The following FHOD3 variants were observed in gnomAD, a reference collection of about 807,000 sequenced individuals.
FHOD3 encodes FH1/FH2 domain-containing protein 3.
Under a neutral mutation model 173.0 loss-of-function variants are expected in FHOD3, and 90 were observed. The observed-to-expected ratio is 0.52, with a 90% confidence interval of 0.44 to 0.62. FHOD3 has a LOEUF of 0.62. FHOD3 is among the 20% of genes least tolerant of loss of function. FHOD3 has a pLI of 0.00. For missense variants in FHOD3, 1,945 were observed against 2,034.7 expected (o/e 0.96, Z 0.85); for synonymous variants, 828 against 823.0 (o/e 1.01, Z -0.10).
chr18:36,340,766 A>G (rs948969064), intron 1 of FHOD3, among the ~76,000 whole-genome samples: 3 of 151,744 alleles, frequency 2.0e-5, no homozygotes, highest in African/African-American at 4.8e-5. Flanking sequence ...CCTCCCGAGT[A>G]GCTGGGACTA....
intron 3 of FHOD3, among the ~76,000 whole-genome samples, chr18:36,385,529 T>C (rs1317596426): frequency 6.6e-6 from 1 of 152,142 alleles, no homozygotes; most frequent in African/African-American, 2.4e-5. Flanking sequence ...TGTGAGTGGC[T>C]GGGATTATAG....
chr18:36,559,906 C>T (rs753890908), intron 5 of FHOD3, among the ~76,000 whole-genome samples: 1 of 152,142 alleles, frequency 6.6e-6, no homozygotes, highest in Non-Finnish European at 1.5e-5. Context: ...TTAACTGCCA[C>T]TCTTGACCCT....
intron 11 of FHOD3, among the ~76,000 whole-genome samples, chr18:36,651,461 TTATA>T (rs2036043296): frequency 6.6e-6 from 1 of 151,968 alleles, no homozygotes; most frequent in African/African-American, 2.4e-5. Flanking sequence ...AAATTAAAAA[TTATA>T]TATAATGCCA....
intron 3 of FHOD3, among the ~76,000 whole-genome samples, chr18:36,389,190 A>G (rs530287719): frequency 4.0e-4 from 61 of 151,942 alleles, no homozygotes; most frequent in African/African-American, 1.3e-3. Context: ...AAAAAAGAAG[A>G]AGAAGAAGAG....
intron 3 of FHOD3, among the ~76,000 whole-genome samples, chr18:36,415,744 A>G (rs1041705204): frequency 1.3e-5 from 2 of 152,198 alleles, no homozygotes; most frequent in South Asian, 4.1e-4. Context: ...ACTCTGGACT[A>G]TGTTCAGTTT....
At chr18:36,727,627 C>T (rs1450347368) in intron 19 of FHOD3, among the ~76,000 whole-genome samples, 10 of 152,112 alleles carry the variant, frequency 6.6e-5, no homozygotes, top group Admixed American at 1.3e-4. Context: ...TGCTCAGTGG[C>T]GCACCCCTCC....
chr18:36,511,858 C>T (rs968069100), intron 4 of FHOD3, among the ~76,000 whole-genome samples: 5 of 152,324 alleles, frequency 3.3e-5, no homozygotes, highest in Admixed American at 2.6e-4. Context: ...CGAGGGATTG[C>T]GTGGCTGCTC....
chr18:36,304,747 C>T (rs1270989008), intron 1 of FHOD3, among the ~76,000 whole-genome samples: 1 of 152,180 alleles, frequency 6.6e-6, no homozygotes, highest in Non-Finnish European at 1.5e-5. Flanking sequence ...AAGCGAAATG[C>T]TAAGGTAGAG....
In FHOD3 at chr18:36,642,582, CAAAAAAA is replaced by C. The variant is rs35920197; in HGVS notation, c.1197-6713_1197-6707del. On this transcript the variant is annotated intron_variant, in intron 10 of 28. Coordinates refer to ENST00000590592, the MANE Select transcript of FHOD3 (RefSeq NM_001281740.3). ...TGGGCAAAAGAGCGAGACTCCGTCT[CAAAAAAA>C]AAAAAAAAAAAAAAAAAAAATTAAA... is the stretch of plus-strand genomic sequence containing the variant. 9.0e-3 allele frequency among the ~76,000 whole-genome samples: 558 copies of C among 61,784 alleles called. 4 individuals are homozygous for C. The highest frequency in any genetic ancestry group is 0.011 in the Non-Finnish European group (298 of 26,828). The allele number at this position is 61,784 out of a possible 152,430, so 40.5% of individuals were successfully genotyped here.
At chr18:36,750,315 T>C (rs2042349740) in intron 24 of FHOD3, among the ~76,000 whole-genome samples, 1 of 152,170 alleles carries the variant, frequency 6.6e-6, no homozygotes, top group Non-Finnish European at 1.5e-5. Flanking sequence ...TTCATGTCCT[T>C]TGCCCACTTT....
chr18:36,451,924 G>C (rs1383885642), intron 3 of FHOD3, among the ~76,000 whole-genome samples: 3 of 152,164 alleles, frequency 2.0e-5, no homozygotes, highest in Non-Finnish European at 4.4e-5. Context: ...CCTCTGGACT[G>C]GTGTCCTGCT....
intron 3 of FHOD3, among the ~76,000 whole-genome samples, chr18:36,440,696 G>T (rs2143736310): frequency 6.6e-6 from 1 of 152,300 alleles, no homozygotes; most frequent in African/African-American, 2.4e-5. Context: ...CACCTTTATG[G>T]TAGAAAAAAC....
intron 10 of FHOD3, among the ~76,000 whole-genome samples, chr18:36,639,683 C>T (rs1357560377): frequency 1.1e-4 from 16 of 144,954 alleles, no homozygotes; most frequent in African/African-American, 2.8e-4. Flanking sequence ...AAAAGCTGGG[C>T]GTGGTGGTGG....
intron 25 of FHOD3, among the ~76,000 whole-genome samples, chr18:36,755,905 C>T (rs562927224): frequency 6.6e-6 from 1 of 152,238 alleles, no homozygotes; most frequent in East Asian, 1.9e-4. Context: ...GGAGTTTCCC[C>T]ATAGCACCCT....
intron 2 of FHOD3, among the ~76,000 whole-genome samples, chr18:36,361,991 A>G (rs2046649340): frequency 6.6e-6 from 1 of 152,244 alleles, no homozygotes; most frequent in Non-Finnish European, 1.5e-5. Context: ...AGTAACTCCC[A>G]TGCTGAATGG....
intron 8 of FHOD3, among the ~76,000 whole-genome samples, chr18:36,603,686 T>TA (rs2031703292): frequency 6.6e-6 from 1 of 152,054 alleles, no homozygotes. Flanking sequence ...GTATTTTTAG[T>TA]AGAGTCGGGG....
At chr18:36,661,870 G>T (rs1484950085) in intron 14 of FHOD3, among the ~76,000 whole-genome samples, 1 of 152,150 alleles carries the variant, frequency 6.6e-6, no homozygotes, top group Admixed American at 6.5e-5. Flanking sequence ...ATATTTTCAT[G>T]AAGTTTGGAA....
chr18:36,350,284 C>T (rs2046061010), intron 1 of FHOD3, among the ~76,000 whole-genome samples: 2 of 152,220 alleles, frequency 1.3e-5, no homozygotes, highest in South Asian at 4.1e-4. Flanking sequence ...CTGAGACTGG[C>T]TGCCCGCTGA....
intron 3 of FHOD3, among the ~76,000 whole-genome samples, chr18:36,444,141 C>T (rs1428447622): frequency 1.5e-5 from 2 of 136,506 alleles, no homozygotes; most frequent in African/African-American, 2.8e-5. Flanking sequence ...TGCAGTGAGC[C>T]GAGATCATGC....
Sources: allele counts gnomAD v4.1 joint callset (sites outside exome capture counted in the v4.1 genomes callset), GRCh38; gene constraint gnomAD v4.1.1; transcripts MANE v1.5; gene names NCBI Gene and HGNC (gene_info 2026-07-23, HGNC 2026-07-21).